The following RBFOX1 variants were observed in gnomAD, a reference collection of about 807,000 sequenced individuals.
The protein encoded by RBFOX1 is RNA binding protein fox-1 homolog 1.
A neutral mutation model predicts 57.7 loss-of-function variants in RBFOX1; 8 were observed. The ratio of observed to expected loss-of-function variants is 0.14; its 90% CI spans 0.08 to 0.25. The LOEUF (loss-of-function observed/expected upper bound fraction) is 0.25. Ranked by LOEUF, RBFOX1 falls within the 10% of genes least tolerant of loss-of-function variation. The pLI, the probability that RBFOX1 is intolerant of heterozygous loss-of-function variation, is 1.00. For synonymous variants in RBFOX1, 326 were observed against 222.4 expected (o/e 1.47, Z -4.15); for missense variants, 611 against 548.5 (o/e 1.11, Z -1.14).
chr16:7,705,485 ACAGAGCAAGAC>A (rs1189993417), intron 14 of RBFOX1, among the ~76,000 whole-genome samples: 1 of 152,206 alleles, frequency 6.6e-6, no homozygotes, highest in Non-Finnish European at 1.5e-5. Flanking sequence ...AGCCTTAGCA[ACAGAGCAAGAC>A]CAACTCAAAA....
At position 5,937,120 on chromosome 16, in the gene RBFOX1, C is replaced by A. The variant is rs140984860; in HGVS notation, c.351+69785C>A. ...TAGTGTGGATAATTTATAAATAAGG[C>A]CAAAATGTTGCCTGGAAATGTGCTA... On this transcript the variant is annotated intron_variant, in intron 4 of 19. Transcript: ENST00000641259. Among the ~76,000 whole-genome samples, 1,329 of 152,216 alleles carry A rather than the reference C, an allele frequency of 8.7e-3. 8 individuals are homozygous for A. The highest frequency in any genetic ancestry group is 0.017 in the Middle Eastern group (5 of 294).
At chr16:6,550,601 C>G (rs780923602) in intron 2 of RBFOX1, among the ~76,000 whole-genome samples, 4 of 152,208 alleles carry the variant, frequency 2.6e-5, no homozygotes, top group Non-Finnish European at 5.9e-5. Context: ...GCTGGGATTA[C>G]AGGCATGTGC....
chr16:6,385,354 T>C (rs745482410), intron 2 of RBFOX1, among the ~76,000 whole-genome samples: 3 of 152,188 alleles, frequency 2.0e-5, no homozygotes, highest in Non-Finnish European at 4.4e-5. Flanking sequence ...ATCTTTATTT[T>C]TGTTTTATTT....
rs1478955860 is a variant in RBFOX1 at position 5,842,505 on chromosome 16, C to T, written c.319-24798C>T. Among the ~76,000 whole-genome samples, 5 of 152,258 alleles carry T rather than the reference C, an allele frequency of 3.3e-5. No individual in the cohort carries two copies. In the South Asian group the frequency reaches 8.3e-4, roughly 25 times the overall value. On this transcript the variant is annotated intron_variant, in intron 3 of 19. Coordinates refer to the RBFOX1 transcript ENST00000641259. ...ATGCCTGCCACTGTGTCATTTCAGT[C>T]CCTAAGTGCATGCTGCAGGTGTTCA...
At chr16:5,615,899 G>A (rs1407380627) in intron 3 of RBFOX1, among the ~76,000 whole-genome samples, 1 of 152,172 alleles carries the variant, frequency 6.6e-6, no homozygotes, top group African/African-American at 2.4e-5. Flanking sequence ...GCTGTTCAGT[G>A]CTTAAAACGG....
At chr16:6,638,336 C>A (rs544175662) in intron 2 of RBFOX1, among the ~76,000 whole-genome samples, 1 of 152,008 alleles carries the variant, frequency 6.6e-6, no homozygotes, top group Non-Finnish European at 1.5e-5. Flanking sequence ...ACTGGTAAAT[C>A]GCATGGCAAA....
At chr16:6,034,432 A>G (rs768137878) in intron 1 of RBFOX1, among the ~76,000 whole-genome samples, 2 of 151,614 alleles carry the variant, frequency 1.3e-5, no homozygotes, top group Non-Finnish European at 2.9e-5. Flanking sequence ...GTCCATGATC[A>G]AGGTGTGGCA....
intron 3 of RBFOX1, among the ~76,000 whole-genome samples, chr16:6,780,263 A>G (rs1206794474): frequency 1.2e-5 from 1 of 80,456 alleles, no homozygotes; most frequent in Non-Finnish European, 2.0e-5. Context: ...TTATATATAT[A>G]TTTATACATA....
At chr16:7,434,139 G>T (rs2098703737) in intron 4 of RBFOX1, among the ~76,000 whole-genome samples, 1 of 151,982 alleles carries the variant, frequency 6.6e-6, no homozygotes, top group Non-Finnish European at 1.5e-5. Flanking sequence ...CATAAACCAG[G>T]TAAGAGCTTA....
intron 2 of RBFOX1, among the ~76,000 whole-genome samples, chr16:6,643,099 T>C (rs1299470357): frequency 6.6e-6 from 1 of 152,190 alleles, no homozygotes; most frequent in Non-Finnish European, 1.5e-5. Flanking sequence ...CCTCAAATGA[T>C]CACATTCCTA....
chr16:7,412,218 T>G (rs1230761852), intron 4 of RBFOX1, among the ~76,000 whole-genome samples: 3 of 151,766 alleles, frequency 2.0e-5, no homozygotes, highest in Admixed American at 2.0e-4. Flanking sequence ...AGTTCCAGAC[T>G]AGCCTGGCCA....
chr16:5,807,366 C>T (rs1451177945), intron 3 of RBFOX1, among the ~76,000 whole-genome samples: 1 of 152,148 alleles, frequency 6.6e-6, no homozygotes, highest in African/African-American at 2.4e-5. Flanking sequence ...CAGGATGCCA[C>T]AGGGCCAGGA....
chr16:7,229,001 G>C (rs8058695), intron 4 of RBFOX1, among the ~76,000 whole-genome samples: 42,705 of 151,956 alleles, frequency 0.28, 7,575 homozygotes, highest in East Asian at 0.67. Context: ...GAAGGATGGG[G>C]AATAGCAGGC....
intron 2 of RBFOX1, among the ~76,000 whole-genome samples, chr16:5,540,184 G>A (rs1388475979): frequency 6.6e-6 from 1 of 152,218 alleles, no homozygotes; most frequent in African/African-American, 2.4e-5. Context: ...TAGACACCAT[G>A]TGGCACTGCT....
At chr16:6,448,156 C>CTTTCTTTTTTTTTT (rs2094523593) in intron 2 of RBFOX1, among the ~76,000 whole-genome samples, 5 of 78,476 alleles carry the variant, frequency 6.4e-5, no homozygotes, top group African/African-American at 2.2e-4. Context: ...TCTTTTCTTT[C>CTTTCTTTTTTTTTT]TTTTTTTTTT....
At chr16:5,599,254 G>A in exon 3 of RBFOX1, 2 of 673,174 alleles carry the variant, frequency 3.0e-6, no homozygotes, top group Non-Finnish European at 5.4e-6. Context: ...TGGTGACAAG[G>A]CTGCAAATTG....
chr16:7,653,280 T>C (rs142167922), intron 11 of RBFOX1, among the ~76,000 whole-genome samples: 3,489 of 152,192 alleles, frequency 0.023, 58 homozygotes, highest in African/African-American at 0.035. Flanking sequence ...ACAGGAGGAC[T>C]GCTTGAACCC....
At chr16:7,058,008 A>G (rs2052971712) in intron 4 of RBFOX1, among the ~76,000 whole-genome samples, 1 of 143,644 alleles carries the variant, frequency 7.0e-6, no homozygotes, top group African/African-American at 2.9e-5. Context: ...ACTGTGGGGA[A>G]AAAAAAAAAA....
chr16:7,029,881 A>G (rs1365166721), intron 3 of RBFOX1, among the ~76,000 whole-genome samples: 2 of 152,192 alleles, frequency 1.3e-5, no homozygotes, highest in Non-Finnish European at 2.9e-5. Context: ...TTCATTGGGA[A>G]TAATGAAGAC....
Sources: allele counts gnomAD v4.1 joint callset (sites outside exome capture counted in the v4.1 genomes callset), GRCh38; gene constraint gnomAD v4.1.1; transcripts MANE v1.5; gene names NCBI Gene and HGNC (gene_info 2026-07-23, HGNC 2026-07-21).